Variants in THG1L observed in about 807,000 individuals in gnomAD.
THG1L encodes tRNA-histidine guanylyltransferase 1 like.
Under a neutral mutation model 35.2 loss-of-function variants are expected in THG1L, and 27 were observed. The ratio of observed to expected loss-of-function variants is 0.77; its 90% CI spans 0.57 to 1.06. THG1L has a LOEUF of 1.06. Among genes scored for constraint, THG1L ranks in the 50% least tolerant of loss-of-function variants. The pLI, the probability that THG1L is intolerant of heterozygous loss-of-function variation, is 0.00. For synonymous variants in THG1L, 135 were observed against 132.4 expected (o/e 1.02, Z -0.14); for missense variants, 377 against 371.8 (o/e 1.01, Z -0.12).
At chr5:157,733,334 C>A (rs1345515019) in intron 2 of THG1L, among the ~76,000 whole-genome samples, 1 of 152,216 alleles carries the variant, frequency 6.6e-6, no homozygotes, top group Non-Finnish European at 1.5e-5. Context: ...GTAATATTAA[C>A]AATTCATAGG....
rs914684949 is a variant in THG1L at position 157,741,203 on chromosome 5, T to TA, written c.*1732dup. On this transcript the variant is annotated 3_prime_UTR_variant, in exon 6 of 6. Coordinates refer to ENST00000231198, the MANE Select transcript of THG1L (RefSeq NM_017872.5). Reference sequence around the variant, plus strand: ...CCTGGGTGACAGAGCAAAACTGCCTTAAAAAAAAAAATTAAGAGACAGCCC... The same window carrying TA: ...CCTGGGTGACAGAGCAAAACTGCCTTAAAAAAAAAAAATTAAGAGACAGCCC... The TA allele has an allele frequency of 3.7e-4, 55 of 149,020 alleles. No individual in the cohort carries two copies. The highest frequency in any genetic ancestry group is 1.6e-3 in the East Asian group (8 of 5,132). 9.2% of individuals were successfully genotyped at this position (149,020 alleles called of 1,614,324 possible). A position where few individuals can be genotyped will look rare whatever the true frequency, so the allele number is the denominator to read the frequency against.
Position 157,731,425 on chromosome 5 carries a change from C to A in THG1L, c.-16C>A. 1.9e-6 allele frequency: 3 copies of A among 1,574,006 alleles called. No homozygotes were observed. Among genetic ancestry groups the A allele is most frequent in the Non-Finnish European group, 2.6e-6 (3 of 1,158,554 alleles). On this transcript the variant is annotated 5_prime_UTR_variant, in exon 1 of 6. Transcript: ENST00000231198. The stretch of plus-strand genomic sequence containing the variant: ...CCGGGGCGGGGCTATCTGGCCCTTT[C>A]CTTTCCGCGTGTAGAATGTGGGGCG...
rs1179934815 is a variant in THG1L at position 157,740,206 on chromosome 5, GAA to G, written c.*726_*727del. 5 of 152,172 alleles carry G rather than the reference GAA, an allele frequency of 3.3e-5. No individual in the cohort carries two copies. Among genetic ancestry groups the G allele is most frequent in the Non-Finnish European group, 1.5e-5 (1 of 68,030 alleles). The allele number at this position is 152,172 out of a possible 1,614,324, so 9.4% of individuals were successfully genotyped here. On this transcript the variant is annotated 3_prime_UTR_variant, in exon 6 of 6. Coordinates refer to ENST00000231198, the MANE Select transcript of THG1L (RefSeq NM_017872.5). Reference sequence around the variant, plus strand: ...AACAGAATTATGTGTATATATGAGAGAAAGAAACAAGAATGCGTGAATGAGGA... The same window carrying G: ...AACAGAATTATGTGTATATATGAGAGAGAAACAAGAATGCGTGAATGAGGA...
In THG1L at chr5:157,738,567, TC is replaced by T. The variant is rs553351006; in HGVS notation, c.735+575del. 962 of 417,092 alleles carry T rather than the reference TC, an allele frequency of 2.3e-3. 6 individuals are homozygous for T. Among genetic ancestry groups the T allele is most frequent in the South Asian group, 3.8e-3 (215 of 57,104 alleles). The allele number at this position is 417,092 out of a possible 1,614,324, so 25.8% of individuals were successfully genotyped here. A position where few individuals can be genotyped will look rare whatever the true frequency, so the allele number is the denominator to read the frequency against. On this transcript the variant is annotated intron_variant, in intron 5 of 5. Transcript: ENST00000231198. ...GCATAATGATTTCTCTAAATTTATT[TC>T]CTTCCATGTAAAGTTTTTTTGTTTT...
Position 157,731,584 on chromosome 5 carries a change from G to C in THG1L, c.144G>C (p.Leu48=). ...ACTTCGAGGCTGACGACACCTGCCT[G>C]GCACACTGCTGGGTGGTAGTGCGGC... ...VRDFEADDTC[L]AHCWVVVRLD... is the part of the protein sequence containing the mutation. Residue 48 remains leucine, a synonymous_variant, in exon 1 of 6, where the codon CTG becomes CTC. Transcript: ENST00000231198. 6.2e-7 allele frequency: 1 copy of C among 1,611,032 alleles called. No homozygotes were observed. Among genetic ancestry groups the C allele is most frequent in the East Asian group, 2.2e-5 (1 of 44,648 alleles).
intron 3 of THG1L, among the ~76,000 whole-genome samples, chr5:157,735,063 G>A (rs369218461): frequency 6.6e-5 from 10 of 151,626 alleles, no homozygotes; most frequent in Admixed American, 3.3e-4. Flanking sequence ...TCAGCCTCCC[G>A]AGTAGCTGGG....
Position 157,737,986 on chromosome 5 carries a change from T to C in THG1L, c.727T>C (p.Trp243Arg), listed in dbSNP as rs1319554463. ...PMYRKGTVLI[W>R]QKVDEVMTKE... is the part of the protein sequence containing the mutation. ...GTATAGGAAAGGGACTGTGTTGATA[T>C]GGCAGAAGGTAATGCTGTTATGTTC... Residue 243 changes from tryptophan to arginine, a missense_variant, in exon 5 of 6, where the codon TGG becomes CGG. By Grantham distance (101) the Trp-to-Arg change is moderately radical. Coordinates refer to ENST00000231198, the MANE Select transcript of THG1L (RefSeq NM_017872.5). 1.2e-6 allele frequency: 2 copies of C among 1,609,764 alleles called. No individual in the cohort carries two copies. The highest frequency in any genetic ancestry group is 1.7e-6 in the Non-Finnish European group (2 of 1,177,124).
Position 157,734,598 on chromosome 5 carries a change from T to C in THG1L, c.391T>C (p.Ser131Pro). The C allele has an allele frequency of 6.2e-7, 1 of 1,614,136 alleles. No individual in the cohort carries two copies. The highest frequency in any genetic ancestry group is 1.1e-5 in the South Asian group (1 of 91,074). ...AAGTAAGTTCATGACTCACGTGGCC[T>C]CCCAGTTTGCCTCCAGCTATGTGTT... The part of the protein sequence containing the change: ...RASKFMTHVA[S>P]QFASSYVFYW... Residue 131 changes from serine (S) to proline (P), a missense_variant, in exon 3 of 6, where the codon TCC becomes CCC. Coordinates refer to ENST00000231198, the MANE Select transcript of THG1L (RefSeq NM_017872.5).
In THG1L at chr5:157,732,839, A is replaced by G. The variant is rs748980739; in HGVS notation, c.192-29A>G. On this transcript the variant is annotated intron_variant, in intron 1 of 5. Coordinates refer to ENST00000231198, the MANE Select transcript of THG1L (RefSeq NM_017872.5). Reference sequence around the variant, plus strand: ...TGTTGTTAATGACAGGCTTCCATCCATGCTTTCTTCCCTTTTTCCCCTGTG... The same window carrying G: ...TGTTGTTAATGACAGGCTTCCATCCGTGCTTTCTTCCCTTTTTCCCCTGTG... The G allele has an allele frequency of 5.6e-6, 9 of 1,613,386 alleles. No individual in the cohort carries two copies. The East Asian group carries it at 2.0e-4, about 36-fold the overall frequency.
chr5:157,735,014 T>A (rs913897638), intron 3 of THG1L, among the ~76,000 whole-genome samples: 4 of 152,104 alleles, frequency 2.6e-5, no homozygotes, highest in African/African-American at 4.8e-5. Context: ...CTTGGCTCAC[T>A]GCAACCTCCA....
rs1455811804 is a variant in THG1L at position 157,732,909 on chromosome 5, G to A, written c.233G>A (p.Arg78His). The A allele has an allele frequency of 4.3e-6, 7 of 1,614,074 alleles. No individual in the cohort carries two copies. The highest frequency in any genetic ancestry group is 1.7e-5 in the Admixed American group (1 of 60,006). ...KHNFAKPNDS[R>H]ALQLMTKCAQ... ...AACTTTGCAAAACCCAATGACAGCC[G>A]TGCTCTCCAGCTGATGACCAAATGT... Residue 78 changes from arginine (R) to histidine (H), a missense_variant, in exon 2 of 6, where the codon CGT becomes CAT. Coordinates refer to ENST00000231198, the MANE Select transcript of THG1L (RefSeq NM_017872.5).
rs1424905995 is a variant in THG1L at position 157,733,051 on chromosome 5, C to T, written c.368+7C>T. On this transcript the variant is annotated splice_region_variant and intron_variant, in intron 2 of 5. Coordinates refer to ENST00000231198, the MANE Select transcript of THG1L (RefSeq NM_017872.5). ...GGTTTAAAAGAAGAGCCAGGTAATT[C>T]CATGACCTAACTCCTTTCTTCAGAA... is the stretch of plus-strand genomic sequence containing the variant. 6.2e-7 allele frequency: 1 copy of T among 1,613,412 alleles called. No individual in the cohort carries two copies. The highest frequency in any genetic ancestry group is 8.5e-7 in the Non-Finnish European group (1 of 1,179,438).
intron 3 of THG1L, among the ~76,000 whole-genome samples, 173 bp downstream of exon 3, chr5:157,734,918 A>G (rs1344841056): frequency 2.6e-5 from 4 of 151,906 alleles, no homozygotes; most frequent in Admixed American, 2.6e-4. Context: ...ATTAAATTTT[A>G]CGTAAAAACT....
rs546331480 is a variant in THG1L, at chr5:157,732,396, C to A, written c.192-472C>A. On this transcript the variant is annotated intron_variant, in intron 1 of 5. Coordinates refer to ENST00000231198, the MANE Select transcript of THG1L (RefSeq NM_017872.5). ...CCTGGGAGGTCAAGGCTGCAGTGAG[C>A]GGTGATTGGACACTGCACTCCAGCT... Among the ~76,000 whole-genome samples, 9 of 151,886 alleles carry A rather than the reference C, an allele frequency of 5.9e-5. No homozygotes were observed. In the East Asian group the frequency reaches 1.2e-3, roughly 20 times the overall value.
In THG1L at chr5:157,734,757, C is replaced by T; in HGVS notation, c.538+12C>T. 6.2e-7 allele frequency: 1 copy of T among 1,613,958 alleles called. No individual in the cohort carries two copies. Among genetic ancestry groups the T allele is most frequent in the Non-Finnish European group, 8.5e-7 (1 of 1,179,946 alleles). ...GCGACAAGCAGATTGTGAGTGGCAC[C>T]AAATAAACACATGTAGTTAAACCAC... On this transcript the variant is annotated intron_variant, in intron 3 of 5. Coordinates refer to ENST00000231198, the MANE Select transcript of THG1L (RefSeq NM_017872.5).
chr5:157,733,701 G>A (rs1183962871), intron 2 of THG1L, among the ~76,000 whole-genome samples: 1 of 152,120 alleles, frequency 6.6e-6, no homozygotes, highest in Non-Finnish European at 1.5e-5. Context: ...GATCAGGCGT[G>A]GTGGCTCACG....
intron 3 of THG1L, among the ~76,000 whole-genome samples, chr5:157,735,178 T>C (rs1309108593): frequency 6.6e-6 from 1 of 152,216 alleles, no homozygotes; most frequent in Non-Finnish European, 1.5e-5. Context: ...CCTCAGGTGA[T>C]CCACCCGCCT....
At position 157,735,891 on chromosome 5, in the gene THG1L, A is replaced by G. The variant is rs767146830; in HGVS notation, c.584A>G (p.Gln195Arg). 18 of 1,607,284 alleles carry G rather than the reference A, an allele frequency of 1.1e-5. No homozygotes were observed. In the East Asian group the frequency reaches 3.8e-4, roughly 34 times the overall value. The change falls in exon 4 of 6, where the codon CAA becomes CGA. Residue 195 changes from glutamine to arginine, a missense_variant. By Grantham distance (43) the Gln-to-Arg change is conservative. Coordinates refer to ENST00000231198, the MANE Select transcript of THG1L (RefSeq NM_017872.5). ...LYNTVFWALI[Q>R]QSGLTPVQAQ... Reference sequence around the variant, plus strand: ...AATACAGTTTTCTGGGCACTTATACAACAATCTGGACTAACACCAGTACAA... The same window carrying G: ...AATACAGTTTTCTGGGCACTTATACGACAATCTGGACTAACACCAGTACAA...
rs1251700997 is a variant in THG1L, at chr5:157,739,634, A to G, written c.*152A>G. Reference sequence around the variant, plus strand: ...TGGGAGGGGAACAGGGAAGGAAGGGATGGATGGGGGTGGTGTATCTTACTC... The same window carrying G: ...TGGGAGGGGAACAGGGAAGGAAGGGGTGGATGGGGGTGGTGTATCTTACTC... On this transcript the variant is annotated 3_prime_UTR_variant, in exon 6 of 6. Transcript: ENST00000231198. 1 of 847,060 alleles carries G rather than the reference A, an allele frequency of 1.2e-6. No individual in the cohort carries two copies. The highest frequency in any genetic ancestry group is 1.7e-5 in the African/African-American group (1 of 58,460). The allele number at this position is 847,060 out of a possible 1,614,324, so 52.5% of individuals were successfully genotyped here.
Sources: gnomAD v4.1 joint callset for allele counts (sites outside exome capture counted in the v4.1 genomes callset) on GRCh38, gnomAD v4.1.1 for gene constraint, MANE v1.5 for transcripts, NCBI Gene and HGNC (gene_info 2026-07-23, HGNC 2026-07-21) for gene names.